IFT74: variants seen among roughly 807,000 people sequenced by gnomAD.
IFT74 encodes the protein intraflagellar transport 74.
IFT74 carries 92 observed loss-of-function variants against 96.7 expected under a neutral mutation model. That is an observed-to-expected ratio of 0.95 (90% confidence interval 0.80 to 1.13). The LOEUF is 1.13. IFT74 is among the 50% of genes most tolerant of loss of function. IFT74 has a pLI of 0.00. For missense variants in IFT74, 811 were observed against 698.2 expected, an observed-to-expected ratio of 1.16 and a Z score of -1.82; for synonymous variants, 223 against 213.2, an observed-to-expected ratio of 1.05 and a Z score of -0.40.
intron 2 of IFT74, among the ~76,000 whole-genome samples, chr9:26,965,992 GTATGTGTATATATATA>G (rs1826591680): frequency 6.6e-6 from 1 of 151,824 alleles, no homozygotes; most frequent in Admixed American, 6.6e-5. Context: ...GTGTTTCATA[GTATGTGTATATATATA>G]TATGTGTATA....
In IFT74 at chr9:26,984,693, A is replaced by C. The variant is rs192018448; in HGVS notation, c.465+134A>C. 2,217 of 629,696 alleles carry C rather than the reference A, an allele frequency of 3.5e-3. 48 individuals carry two copies. The African/African-American group carries it at 0.036, about 10-fold the overall frequency. 39.0% of individuals were successfully genotyped at this position (629,696 alleles called of 1,614,324 possible). On this transcript the variant is annotated intron_variant, in intron 6 of 19. Transcript: ENST00000380062. Reference sequence around the variant, plus strand: ...GAAGACAAACATGCAGCCAACAAGCATATGAAAAGAAGCTCATCATCACTG... The same window carrying C: ...GAAGACAAACATGCAGCCAACAAGCCTATGAAAAGAAGCTCATCATCACTG...
At position 27,022,343 on chromosome 9, in the gene IFT74, G is replaced by C. The variant is rs77477875; in HGVS notation, c.974+3656G>C. On this transcript the variant is annotated intron_variant, in intron 12 of 19. Coordinates refer to ENST00000380062, the MANE Select transcript of IFT74 (RefSeq NM_025103.4). ...TCGCTTTGGGTTCCATATGAATTTT[G>C]GATTTTTTTTTCTAGTTCTGTGAAG... Among the ~76,000 whole-genome samples, 1,117 of 151,964 alleles carry C rather than the reference G, an allele frequency of 7.4e-3. 13 individuals carry two copies. The highest frequency in any genetic ancestry group is 0.026 in the African/African-American group (1,062 of 41,456).
chr9:26,957,433 A>G (rs1297071060), intron 1 of IFT74, among the ~76,000 whole-genome samples: 1 of 152,238 alleles, frequency 6.6e-6, no homozygotes, highest in Non-Finnish European at 1.5e-5. Context: ...CATTTCATGA[A>G]ATTCCTTTTT....
At chr9:27,007,003 AT>A (rs1223331924) in intron 8 of IFT74, among the ~76,000 whole-genome samples, 1 of 151,188 alleles carries the variant, frequency 6.6e-6, no homozygotes, top group Non-Finnish European at 1.5e-5. Context: ...CGCCCAGCTA[AT>A]TTTTTTGTAT....
chr9:26,985,089 A>G (rs578129125), intron 6 of IFT74, among the ~76,000 whole-genome samples: 1 of 152,334 alleles, frequency 6.6e-6, no homozygotes, highest in East Asian at 1.9e-4. Flanking sequence ...GTTAAAGAAA[A>G]TGTGGTACCT....
At chr9:27,011,369 T>A (rs10967661) in intron 9 of IFT74, among the ~76,000 whole-genome samples, 14,166 of 152,156 alleles carry the variant, frequency 0.093, 1,762 homozygotes, top group East Asian at 0.67. Flanking sequence ...GAGTGAACCA[T>A]ATTTATATTT....
chr9:27,047,828 AT>A (rs1382451542), intron 15 of IFT74, among the ~76,000 whole-genome samples: 1 of 152,208 alleles, frequency 6.6e-6, no homozygotes, highest in East Asian at 1.9e-4. Context: ...TTGGGCATCT[AT>A]TATGAAATGC....
chr9:27,007,996 A>G (rs1440025661), intron 8 of IFT74, among the ~76,000 whole-genome samples: 1 of 152,218 alleles, frequency 6.6e-6, no homozygotes, highest in Non-Finnish European at 1.5e-5. Context: ...TCTTTTGATT[A>G]CGTGATAAAA....
rs571668387 is a variant in IFT74, at chr9:27,063,540, G to C, written c.*804G>C. ...GATTGGGAGAGAGGCATAGAGTCTGGAAGACATTATATTAACTGTAGATGT... is the reference window on the plus strand; with the variant it reads ...GATTGGGAGAGAGGCATAGAGTCTGCAAGACATTATATTAACTGTAGATGT... On this transcript the variant is annotated 3_prime_UTR_variant, in exon 20 of 20. Transcript: ENST00000380062. 6.6e-6 allele frequency among the ~76,000 whole-genome samples: 1 copy of C among 152,154 alleles called. No homozygotes were observed. Among genetic ancestry groups the C allele is most frequent in the East Asian group, 1.9e-4 (1 of 5,186 alleles).
chr9:27,049,735 A>G (rs1303936385), intron 16 of IFT74, among the ~76,000 whole-genome samples: 1 of 152,202 alleles, frequency 6.6e-6, no homozygotes, highest in Non-Finnish European at 1.5e-5. Flanking sequence ...GAGCAACGGA[A>G]GTACATAGGG....
chr9:26,984,469 T>C (rs1325584445), intron 5 of IFT74, 30 bp from the exon 6 acceptor site: 3 of 1,595,820 alleles, frequency 1.9e-6, no homozygotes, highest in Admixed American at 3.4e-5. Context: ...TATGTACATA[T>C]TTATGAATGT....
At chr9:26,968,968 C>T (rs1172365108) in intron 2 of IFT74, among the ~76,000 whole-genome samples, 1 of 151,948 alleles carries the variant, frequency 6.6e-6, no homozygotes, top group Non-Finnish European at 1.5e-5. Flanking sequence ...TTGGTTTGCT[C>T]ATGCTTATCT....
rs1435620622 is a variant in IFT74, at chr9:27,055,719, G to T, written c.1444G>T (p.Glu482Ter). 6.3e-7 allele frequency: 1 copy of T among 1,585,114 alleles called. No individual in the cohort carries two copies. The highest frequency in any genetic ancestry group is 1.9e-5 in the Admixed American group (1 of 53,690). Residue 482 changes from glutamate to a stop codon, truncating the protein, a stop_gained, in exon 17 of 20, where the codon GAG becomes TAG. Coordinates refer to ENST00000380062, the MANE Select transcript of IFT74 (RefSeq NM_025103.4). LOFTEE classifies it high-confidence loss of function. ...AATTAAGCAAATGACAACTGATCTG[G>T]AGATATATAATGATTTGCCAGCTTT... ...SKIKQMTTDL[E>*]IYNDLPALKS...
chr9:27,061,965 G>C (rs1454232150), intron 19 of IFT74, among the ~76,000 whole-genome samples: 1 of 152,124 alleles, frequency 6.6e-6, no homozygotes, highest in Admixed American at 6.6e-5. Flanking sequence ...CTTAAAAGTT[G>C]TTTCCTATTC....
At chr9:27,054,103 T>C (rs1820053829) in intron 16 of IFT74, among the ~76,000 whole-genome samples, 1 of 152,214 alleles carries the variant, frequency 6.6e-6, no homozygotes, top group African/African-American at 2.4e-5. Flanking sequence ...TTATACTAAC[T>C]TTAAAAATTT....
intron 2 of IFT74, chr9:26,976,751 A>G (rs1827144632): frequency 4.4e-6 from 2 of 456,042 alleles, no homozygotes; most frequent in South Asian, 3.1e-5. Flanking sequence ...AAACCTTGCC[A>G]TATCTCACAT....
In IFT74 at chr9:27,012,157, A is replaced by T. The variant is rs75380354; in HGVS notation, c.789+189A>T. 6.3e-3 allele frequency among the ~76,000 whole-genome samples: 953 copies of T among 152,336 alleles called. 12 individuals are homozygous for T. The highest frequency in any genetic ancestry group is 0.022 in the African/African-American group (900 of 41,576). ...GGTAAGAAATTAGATTCAGTTATTG[A>T]GTACCTACTATGTATAAAACAAATC... On this transcript the variant is annotated intron_variant, in intron 10 of 19. Coordinates refer to ENST00000380062, the MANE Select transcript of IFT74 (RefSeq NM_025103.4).
Position 27,052,964 on chromosome 9 carries a change from C to T in IFT74, c.1334-2645C>T, listed in dbSNP as rs112157946. The stretch of plus-strand genomic sequence containing the variant: ...TGCAGGCTCCGCCCCCAGGGGTTCA[C>T]GCCATTCTCCTGCCTCAGCCTCCCG... On this transcript the variant is annotated intron_variant, in intron 16 of 19. Coordinates refer to ENST00000380062, the MANE Select transcript of IFT74 (RefSeq NM_025103.4). 8.6e-5 allele frequency among the ~76,000 whole-genome samples: 13 copies of T among 152,010 alleles called. 2 individuals are homozygous for T. The highest frequency in any genetic ancestry group is 3.1e-4 in the African/African-American group (13 of 41,486).
exon 1 of IFT74, chr9:26,947,125 G>A (rs1825759366): frequency 2.2e-5 from 31 of 1,388,514 alleles, no homozygotes; most frequent in Non-Finnish European, 2.8e-5. Flanking sequence ...GCGCCGGGCC[G>A]CGGCGGGAGA....
Sources: gnomAD v4.1 joint callset for allele counts (sites outside exome capture counted in the v4.1 genomes callset) on GRCh38, gnomAD v4.1.1 for gene constraint, MANE v1.5 for transcripts, NCBI Gene and HGNC (gene_info 2026-07-23, HGNC 2026-07-21) for gene names.